ADGRF5: variants seen among roughly 807,000 people sequenced by gnomAD.
ADGRF5 encodes adhesion G protein-coupled receptor F5, also known as G-protein coupled receptor 116.
In ADGRF5, 75 loss-of-function variants were observed where a neutral mutation model predicts 132.3. The ratio of observed to expected loss-of-function variants is 0.57; its 90% CI spans 0.47 to 0.69. ADGRF5 has a LOEUF of 0.69. ADGRF5 is among the 30% of genes least tolerant of loss of function. The pLI is 0.00. For synonymous variants in ADGRF5, 629 were observed against 597.6 expected, an observed-to-expected ratio of 1.05 and a Z score of -0.77; for missense variants, 1,516 against 1,630.6, an observed-to-expected ratio of 0.93 and a Z score of 1.21.
At chr6:46,887,067 G>T (rs1247905686) in intron 4 of ADGRF5, 4 of 152,166 alleles carry the variant, frequency 2.6e-5, no homozygotes, top group Admixed American at 2.0e-4. Flanking sequence ...AAATCAGAGA[G>T]AGTTTGTTAG....
At chr6:46,869,272 T>C (rs1458619970) in intron 11 of ADGRF5, 180 bp from the exon 12 acceptor site, 2 of 1,437,346 alleles carry the variant, frequency 1.4e-6, no homozygotes, top group Non-Finnish European at 1.8e-6. Context: ...CTTTACTCGT[T>C]TCTAGGCTGT....
At chr6:46,907,734 G>A (rs1395148558) in intron 1 of ADGRF5, 1 of 152,160 alleles carries the variant, frequency 6.6e-6, no homozygotes, top group African/African-American at 2.4e-5. Flanking sequence ...TAGACTGAGA[G>A]ACACAAGATA....
At chr6:46,941,014 C>T (rs958160340) in intron 1 of ADGRF5, among the ~76,000 whole-genome samples, 15 of 152,080 alleles carry the variant, frequency 9.9e-5, no homozygotes, top group Admixed American at 3.9e-4. Context: ...AAAATGTGGG[C>T]CCCCAACATT....
intron 14 of ADGRF5, among the ~76,000 whole-genome samples, chr6:46,864,054 T>A (rs145433798): frequency 1.4e-4 from 22 of 152,310 alleles, no homozygotes; most frequent in African/African-American, 5.1e-4. Flanking sequence ...TAACGATCCT[T>A]TGTCTATCAC....
At chr6:46,882,921 G>A (rs550245495) in intron 6 of ADGRF5, among the ~76,000 whole-genome samples, 2 of 152,276 alleles carry the variant, frequency 1.3e-5, no homozygotes, top group East Asian at 1.9e-4. Context: ...CGGCTGCCAG[G>A]AGAAGGGAAG....
intron 1 of ADGRF5, among the ~76,000 whole-genome samples, chr6:46,907,697 G>C (rs1287342020): frequency 2.0e-5 from 3 of 152,070 alleles, no homozygotes; most frequent in Non-Finnish European, 4.4e-5. Flanking sequence ...GCTTTTCTAT[G>C]CCCAGGTGTT....
chr6:46,945,781 G>A (rs780807792), intron 1 of ADGRF5, among the ~76,000 whole-genome samples: 3 of 152,220 alleles, frequency 2.0e-5, no homozygotes, highest in Non-Finnish European at 1.5e-5. Context: ...AAGGAAAGAG[G>A]TTTAATGGAC....
intron 1 of ADGRF5, among the ~76,000 whole-genome samples, chr6:46,929,932 T>C (rs1777473482): frequency 6.6e-6 from 1 of 152,180 alleles, no homozygotes; most frequent in Non-Finnish European, 1.5e-5. Flanking sequence ...GCAATTCTCC[T>C]GTCTCAGCCT....
chr6:46,869,588 A>C (rs1770826754), intron 11 of ADGRF5, among the ~76,000 whole-genome samples: 1 of 152,182 alleles, frequency 6.6e-6, no homozygotes, highest in Non-Finnish European at 1.5e-5. Flanking sequence ...CCTCAAGGGC[A>C]GACCTGTAGC....
At chr6:46,924,065 G>A (rs1777133972), upstream of ADGRF5, among the ~76,000 whole-genome samples, 3 of 152,160 alleles carry the variant, frequency 2.0e-5, no homozygotes, top group Admixed American at 2.0e-4. Flanking sequence ...ACTTTCTCAG[G>A]AAGAAATTTC....
At chr6:46,890,506 T>G (rs925118394) in intron 3 of ADGRF5, among the ~76,000 whole-genome samples, 1 of 146,720 alleles carries the variant, frequency 6.8e-6, no homozygotes, top group African/African-American at 2.5e-5. Flanking sequence ...TCACTTGAGG[T>G]CAGGAGTTCG....
intron 11 of ADGRF5, 112 bp downstream of exon 11, chr6:46,871,731 C>T: frequency 1.5e-6 from 1 of 663,398 alleles, no homozygotes; most frequent in Non-Finnish European, 2.5e-6. Flanking sequence ...AACCACACTC[C>T]CTCTCTGTCC....
intron 6 of ADGRF5, 64 bp downstream of exon 6, chr6:46,883,495 T>A: frequency 1.3e-6 from 1 of 772,942 alleles, no homozygotes; most frequent in Non-Finnish European, 2.2e-6. Flanking sequence ...TCATTGTGAA[T>A]GCAATAGACT....
At chr6:46,910,893 T>C (rs1775879750) in intron 1 of ADGRF5, among the ~76,000 whole-genome samples, 1 of 152,178 alleles carries the variant, frequency 6.6e-6, no homozygotes, top group Admixed American at 6.6e-5. Context: ...AATTTCAAAA[T>C]TGGGATGCAG....
chr6:46,860,925 A>T (rs775894540), intron 15 of ADGRF5, 31 bp from the exon 16 acceptor site: 60 of 1,550,500 alleles, frequency 3.9e-5, no homozygotes, highest in Admixed American at 1.9e-5. Flanking sequence ...ACAAAAAAAA[A>T]TTTACCAATC....
At chr6:46,918,637 G>C (rs762845891) in intron 1 of ADGRF5, among the ~76,000 whole-genome samples, 1 of 152,190 alleles carries the variant, frequency 6.6e-6, no homozygotes, top group African/African-American at 2.4e-5. Context: ...AAATCTGCAA[G>C]TCTTAGGGAG....
intron 1 of ADGRF5, among the ~76,000 whole-genome samples, chr6:46,913,217 G>A (rs533150220): frequency 2.8e-4 from 42 of 152,104 alleles, no homozygotes; most frequent in Non-Finnish European, 5.3e-4. Context: ...GAAGAAGGGG[G>A]CTGGGCCAGG....
intron 1 of ADGRF5, among the ~76,000 whole-genome samples, chr6:46,949,095 T>A (rs571277462): frequency 1.7e-4 from 26 of 152,344 alleles, no homozygotes; most frequent in South Asian, 6.2e-4. Flanking sequence ...GGATTTTTTT[T>A]AATTAGTGTT....
In ADGRF5 at chr6:46,941,413, AAAG is replaced by A. The variant is rs1222753623; in HGVS notation, c.-25+13318_-25+13320del. 1.2e-4 allele frequency among the ~76,000 whole-genome samples: 5 copies of A among 41,400 alleles called. No homozygotes were observed. In the East Asian group the frequency reaches 4.5e-3, roughly 37 times the overall value. 27.2% of individuals were successfully genotyped at this position (41,400 alleles called of 152,430 possible). On this transcript the variant is annotated intron_variant, in intron 1 of 20. Coordinates refer to the ADGRF5 transcript ENST00000265417. ...AAAGAAAAGAAAAGAAAAGAAAAGA[AAAG>A]AAAAGAAAAGAAAAGAAAAGAAAAG...
Sources: allele counts gnomAD v4.1 joint callset (sites outside exome capture counted in the v4.1 genomes callset), GRCh38; gene constraint gnomAD v4.1.1; transcripts MANE v1.5; gene names NCBI Gene and HGNC (gene_info 2026-07-23, HGNC 2026-07-21).